The following TNRC6C variants were observed in gnomAD, a reference collection of about 807,000 sequenced individuals.
TNRC6C encodes trinucleotide repeat-containing gene 6C protein.
Under a neutral mutation model 153.7 loss-of-function variants are expected in TNRC6C, and 20 were observed. That is an observed-to-expected ratio of 0.13 (90% CI 0.09 to 0.19). The LOEUF (loss-of-function observed/expected upper bound fraction) is 0.19, where lower values mean the gene tolerates loss of function less well. TNRC6C is among the 10% of genes least tolerant of loss of function. The pLI is 1.00. For synonymous variants in TNRC6C, 811 were observed against 841.4 expected, an observed-to-expected ratio of 0.96 and a Z score of 0.63; for missense variants, 1,987 against 2,172.0, an observed-to-expected ratio of 0.91 and a Z score of 1.69.
At chr17:78,095,433 G>A (rs2073467906) in intron 16 of TNRC6C, among the ~76,000 whole-genome samples, 1 of 152,230 alleles carries the variant, frequency 6.6e-6, no homozygotes, top group Admixed American at 6.5e-5. Flanking sequence ...CTCCAGCCCT[G>A]AGCCTAAGAA....
chr17:77,958,768 A>AGCCGCCGCCGCCGGCCCC (rs1249437660), upstream of TNRC6C, among the ~76,000 whole-genome samples: 10 of 149,928 alleles, frequency 6.7e-5, no homozygotes, highest in Admixed American at 1.3e-4. Context: ...CGGGAGCCGT[A>AGCCGCCGCCGCCGGCCCC]GCCGCCGCCG....
chr17:78,081,671 C>A (rs568424845), intron 10 of TNRC6C, among the ~76,000 whole-genome samples: 1 of 152,102 alleles, frequency 6.6e-6, no homozygotes, highest in Non-Finnish European at 1.5e-5. Context: ...ACTACTGTGC[C>A]GGTGGCCTTG....
chr17:77,999,031 G>A (rs1482005787), intron 1 of TNRC6C, among the ~76,000 whole-genome samples: 1 of 152,250 alleles, frequency 6.6e-6, no homozygotes, highest in African/African-American at 2.4e-5. Context: ...GAGTTAGTCT[G>A]AGGCTTGGGG....
chr17:78,013,598 A>T (rs2143416970), intron 1 of TNRC6C, among the ~76,000 whole-genome samples: 1 of 152,326 alleles, frequency 6.6e-6, no homozygotes, highest in East Asian at 1.9e-4. Flanking sequence ...TCTTATGAGG[A>T]ATGGACATAA....
intron 8 of TNRC6C, among the ~76,000 whole-genome samples, chr17:78,076,706 A>T (rs545317102): frequency 5.9e-5 from 9 of 152,350 alleles, no homozygotes; most frequent in East Asian, 3.9e-4. Flanking sequence ...TGTTAAAAAA[A>T]AATTAATAAG....
chr17:77,974,698 G>T (rs1567895639), intron 1 of TNRC6C, among the ~76,000 whole-genome samples: 1 of 152,210 alleles, frequency 6.6e-6, no homozygotes, highest in Non-Finnish European at 1.5e-5. Context: ...TGTAGTCAGG[G>T]TGATAATAGA....
chr17:77,983,694 G>T (rs1171359184), intron 1 of TNRC6C, among the ~76,000 whole-genome samples: 1 of 152,160 alleles, frequency 6.6e-6, no homozygotes, highest in East Asian at 1.9e-4. Flanking sequence ...ATAACCAGGT[G>T]CAGAAGCAAG....
chr17:78,028,106 G>A (rs897926255), intron 1 of TNRC6C, among the ~76,000 whole-genome samples: 7 of 152,208 alleles, frequency 4.6e-5, no homozygotes, highest in Non-Finnish European at 8.8e-5. Flanking sequence ...CACCGTGTTA[G>A]TCAGGATGGT....
chr17:78,061,673 A>G (rs1252552327), intron 3 of TNRC6C, among the ~76,000 whole-genome samples: 1 of 152,160 alleles, frequency 6.6e-6, no homozygotes, highest in Non-Finnish European at 1.5e-5. Flanking sequence ...GCAACGTAAC[A>G]AGACCCCATC....
intron 1 of TNRC6C, among the ~76,000 whole-genome samples, chr17:77,996,639 C>G (rs185275334): frequency 2.6e-5 from 4 of 152,336 alleles, no homozygotes; most frequent in African/African-American, 7.2e-5. Flanking sequence ...CTCACAGACA[C>G]TTAGTTTTTC....
intron 2 of TNRC6C, among the ~76,000 whole-genome samples, chr17:78,044,230 A>T (rs1228530914): frequency 6.6e-6 from 1 of 152,202 alleles, no homozygotes; most frequent in African/African-American, 2.4e-5. Context: ...TTTTGCAAGT[A>T]ACTTCAGTTA....
intron 1 of TNRC6C, among the ~76,000 whole-genome samples, chr17:78,007,613 G>T (rs553453972): frequency 1.3e-5 from 2 of 152,310 alleles, no homozygotes; most frequent in Non-Finnish European, 1.5e-5. Context: ...GTCTATGAGG[G>T]CAGGGGCCAC....
chr17:78,012,006 G>T (rs529085318), intron 1 of TNRC6C: 1 of 151,996 alleles, frequency 6.6e-6, no homozygotes, highest in Non-Finnish European at 1.5e-5. Context: ...TTTCCAGATT[G>T]GTTTCTGATA....
At position 77,976,954 on chromosome 17, in the gene TNRC6C, A is replaced by AAC. The variant is rs1555625346; in HGVS notation, c.-38+17687_-38+17688insCA. Among the ~76,000 whole-genome samples the AAC allele has an allele frequency of 7.2e-4, 107 of 147,978 alleles. 1 individual carries two copies. The highest frequency in any genetic ancestry group is 2.3e-3 in the African/African-American group (95 of 40,704). Reference sequence around the variant, plus strand: ...CAGAAAAAAAAAAAAAAAAAAAAAAAAAAAAACTTGGTTTCCCCTTCATTT... The same window carrying AAC: ...CAGAAAAAAAAAAAAAAAAAAAAAAAACAAAAAACTTGGTTTCCCCTTCATTT... On this transcript the variant is annotated intron_variant, in intron 1 of 22. Transcript: ENST00000636222.
chr17:78,103,232 G>C (rs1285509763), intron 18 of TNRC6C, among the ~76,000 whole-genome samples, 182 bp from the exon 22 acceptor site: 2 of 152,162 alleles, frequency 1.3e-5, no homozygotes, highest in Non-Finnish European at 2.9e-5. Context: ...CAAGTTTTTA[G>C]TTACACGTTT....
At chr17:78,099,894 A>G (rs1420297187) in intron 17 of TNRC6C, among the ~76,000 whole-genome samples, 2 of 152,106 alleles carry the variant, frequency 1.3e-5, no homozygotes, top group African/African-American at 2.4e-5. Flanking sequence ...CCTAGATACA[A>G]TGGGGGTACA....
intron 2 of TNRC6C, among the ~76,000 whole-genome samples, chr17:78,040,683 AAC>A (rs1335541232): frequency 2.6e-5 from 4 of 152,262 alleles, no homozygotes; most frequent in Non-Finnish European, 5.9e-5. Context: ...GACTTTCAAA[AAC>A]ACAGAAGAAA....
intron 1 of TNRC6C, among the ~76,000 whole-genome samples, chr17:77,967,786 T>C (rs1047798242): frequency 6.6e-6 from 1 of 152,206 alleles, no homozygotes; most frequent in Non-Finnish European, 1.5e-5. Context: ...TACTAGCCCA[T>C]TGGAAAAATG....
At chr17:77,992,219 G>A (rs1479944124) in intron 1 of TNRC6C, among the ~76,000 whole-genome samples, 4 of 50,476 alleles carry the variant, frequency 7.9e-5, no homozygotes, top group Admixed American at 7.5e-4. Flanking sequence ...AGCAAAACCG[G>A]CCGGGCGCGG....
Sources: allele counts gnomAD v4.1 joint callset (sites outside exome capture counted in the v4.1 genomes callset), GRCh38; gene constraint gnomAD v4.1.1; transcripts MANE v1.5; gene names NCBI Gene and HGNC (gene_info 2026-07-23, HGNC 2026-07-21).